Variants in NDEL1 observed in about 807,000 individuals in gnomAD.
The protein encoded by NDEL1 is nuclear distribution protein nudE-like 1.
NDEL1 carries 9 observed loss-of-function variants against 45.7 expected under a neutral mutation model. The observed-to-expected ratio is 0.20, with a 90% CI of 0.12 to 0.34. The LOEUF is 0.34. NDEL1 is among the 10% of genes least tolerant of loss of function. NDEL1 has a pLI of 1.00. For missense variants in NDEL1, 306 were observed against 406.2 expected (o/e 0.75, Z 2.12); for synonymous variants, 133 against 158.6 (o/e 0.84, Z 1.21).
rs558228298 is a variant in NDEL1, at chr17:8,435,946, G to C, written c.-112G>C. ...TACGCTGAGTGGAGCTCGGGGCTGC[G>C]TAGGGGAGCTGAGCCGAGCGGCTGG... On this transcript the variant is annotated 5_prime_UTR_variant, in exon 1 of 9. Transcript: ENST00000334527. The C allele has an allele frequency of 7.7e-4, 348 of 449,754 alleles. 1 individual carries two copies. The highest frequency in any genetic ancestry group is 6.6e-3 in the African/African-American group (320 of 48,850). The allele number at this position is 449,754 out of a possible 1,614,324, so 27.9% of individuals were successfully genotyped here.
rs905802032 is a variant in NDEL1 at position 8,467,939 on chromosome 17, C to T, written c.*916C>T. ...ACTCTCATGCTGCATTTACTGTTTA[C>T]ATTTGTTTTATTGTACATAGGTTTG... On this transcript the variant is annotated 3_prime_UTR_variant, in exon 9 of 9. Coordinates refer to ENST00000334527, the MANE Select transcript of NDEL1 (RefSeq NM_030808.5). The surrounding 1 kb of genome is among the most constrained non-coding windows in gnomAD (Gnocchi z 6.3). 1 of 152,660 alleles carries T rather than the reference C, an allele frequency of 6.6e-6. No individual in the cohort carries two copies. Among genetic ancestry groups the T allele is most frequent in the Admixed American group, 6.5e-5 (1 of 15,282 alleles). The allele number at this position is 152,660 out of a possible 1,614,324, so 9.5% of individuals were successfully genotyped here.
At chr17:8,435,813 T>C (rs1029394469), upstream of NDEL1, 11 of 428,222 alleles carry the variant, frequency 2.6e-5, no homozygotes, top group South Asian at 6.4e-5. Context: ...CCGCCCCGCA[T>C]ACCCGTGCGC....
chr17:8,442,926 C>T (rs913742057), intron 1 of NDEL1, among the ~76,000 whole-genome samples: 1 of 151,944 alleles, frequency 6.6e-6, no homozygotes, highest in African/African-American at 2.4e-5. Flanking sequence ...ACTACAGGCG[C>T]CTGCCACCAC....
chr17:8,458,068 C>T (rs1424404971), intron 7 of NDEL1, among the ~76,000 whole-genome samples: 1 of 152,136 alleles, frequency 6.6e-6, no homozygotes, highest in African/African-American at 2.4e-5. Flanking sequence ...GGGCTCTGTC[C>T]CCTGCTTATG....
At position 8,440,342 on chromosome 17, in the gene NDEL1, G is replaced by A. The variant is rs560563646; in HGVS notation, c.-12-3918G>A. Among the ~76,000 whole-genome samples the A allele has an allele frequency of 2.1e-4, 32 of 151,996 alleles. No individual in the cohort carries two copies. The South Asian group carries it at 6.0e-3, about 29-fold the overall frequency. On this transcript the variant is annotated intron_variant, in intron 1 of 8. Transcript: ENST00000334527. The stretch of plus-strand genomic sequence containing the variant: ...ACAGCCTGGCCAACATGGTGAAACC[G>A]TGTCCTACTAAAAATACAAAAATTA...
At chr17:8,457,088 G>A (rs1017114403) in intron 7 of NDEL1, among the ~76,000 whole-genome samples, 15 of 152,156 alleles carry the variant, frequency 9.9e-5, no homozygotes, top group African/African-American at 4.8e-5. Flanking sequence ...AAATCATACT[G>A]GGTTTTTAAA....
intron 8 of NDEL1, among the ~76,000 whole-genome samples, chr17:8,462,100 A>G (rs1312397829): frequency 6.6e-6 from 1 of 151,836 alleles, no homozygotes; most frequent in Non-Finnish European, 1.5e-5. Flanking sequence ...CCTTGGGCAC[A>G]CTGACTGCAC....
chr17:8,441,084 T>C (rs766351390), intron 1 of NDEL1, among the ~76,000 whole-genome samples: 8 of 152,160 alleles, frequency 5.3e-5, no homozygotes, highest in Non-Finnish European at 1.0e-4. Context: ...TATCATCAAA[T>C]GCTGCACAGT....
At chr17:8,472,589 G>A (rs563290723), downstream of NDEL1, among the ~76,000 whole-genome samples, 2 of 152,260 alleles carry the variant, frequency 1.3e-5, no homozygotes, top group South Asian at 2.1e-4. Flanking sequence ...GCTTGAACCC[G>A]GAGGTGGAGG....
At chr17:8,442,722 G>T (rs1280465747) in intron 1 of NDEL1, among the ~76,000 whole-genome samples, 3 of 145,310 alleles carry the variant, frequency 2.1e-5, no homozygotes, top group Admixed American at 6.8e-5. Context: ...CTTCCTGAGT[G>T]GCTTGTGCTA....
chr17:8,414,750 C>T (rs1290284044), intron 1 of NDEL1, among the ~76,000 whole-genome samples: 1 of 152,026 alleles, frequency 6.6e-6, no homozygotes, highest in Non-Finnish European at 1.5e-5. Flanking sequence ...GAAACACTGG[C>T]CTCAAGAGAT....
At chr17:8,474,201 CAG>C (rs1597572095) in intron 3 of NDEL1, 1 of 152,684 alleles carries the variant, frequency 6.5e-6, no homozygotes, top group African/African-American at 2.4e-5. Flanking sequence ...GGTGAGAAAA[CAG>C]ATTCCACGTT....
chr17:8,467,222 T>C lies in NDEL1; in HGVS notation c.*199T>C, dbSNP rs545785249. 4.0e-4 allele frequency: 241 copies of C among 600,152 alleles called. 2 individuals carry two copies. The highest frequency in any genetic ancestry group is 2.6e-3 in the South Asian group (131 of 51,158). The allele number at this position is 600,152 out of a possible 1,614,324, so 37.2% of individuals were successfully genotyped here. On this transcript the variant is annotated 3_prime_UTR_variant, in exon 9 of 9. Transcript: ENST00000334527. This position sits in a 1 kb window ranked among gnomAD's most constrained non-coding sequence, Gnocchi z 6.3. ...TGCGCGATATCAATACTGGCTATTT[T>C]CTCTTCTCGCCGTAGTGCCGTTGGT...
At chr17:8,464,139 AC>A in intron 8 of NDEL1, 2 of 152,220 alleles carry the variant, frequency 1.3e-5, no homozygotes. Context: ...CACTTCTTCC[AC>A]TGACATTTTA....
chr17:8,441,450 C>T (rs552903523), intron 1 of NDEL1, among the ~76,000 whole-genome samples: 2 of 152,256 alleles, frequency 1.3e-5, no homozygotes, highest in East Asian at 1.9e-4. Flanking sequence ...ACAGGAAGTT[C>T]ATCGATGGCT....
At chr17:8,466,880 A>G in intron 8 of NDEL1, 50 bp from the exon 9 acceptor site, 1 of 1,521,430 alleles carries the variant, frequency 6.6e-7, no homozygotes, top group Non-Finnish European at 9.1e-7. Context: ...ATTTTAAATG[A>G]GTTTTTCGTT....
At chr17:8,458,124 G>A (rs1167930583) in intron 7 of NDEL1, among the ~76,000 whole-genome samples, 1 of 151,846 alleles carries the variant, frequency 6.6e-6, no homozygotes, top group Non-Finnish European at 1.5e-5. Flanking sequence ...CAAATCCTGT[G>A]GATGCCGTTC....
At chr17:8,472,534 G>A (rs767959196), downstream of NDEL1, among the ~76,000 whole-genome samples, 31 of 152,086 alleles carry the variant, frequency 2.0e-4, no homozygotes, top group Non-Finnish European at 2.9e-4. Context: ...GCCTGGTGGC[G>A]GGCGCCTGTA....
intron 3 of NDEL1, among the ~76,000 whole-genome samples, chr17:8,474,041 A>G (rs1912090806): frequency 6.6e-6 from 1 of 152,146 alleles, no homozygotes; most frequent in African/African-American, 2.4e-5. Context: ...GGCAGGAACA[A>G]GAGTTGGAGC....
Sources: gnomAD v4.1 joint callset for allele counts (sites outside exome capture counted in the v4.1 genomes callset) on GRCh38, gnomAD v4.1.1 for gene constraint, Gnocchi (gnomAD v3.1) non-coding constraint, MANE v1.5 for transcripts, NCBI Gene and HGNC (gene_info 2026-07-23, HGNC 2026-07-21) for gene names.